The following SLC9A9 variants were observed in gnomAD, a reference collection of about 807,000 sequenced individuals.
SLC9A9 encodes sodium/hydrogen exchanger 9.
Under a neutral mutation model 77.8 loss-of-function variants are expected in SLC9A9, and 62 were observed. The observed-to-expected ratio is 0.80, with a 90% CI of 0.65 to 0.98. The LOEUF (loss-of-function observed/expected upper bound fraction) is 0.98. Ranked by LOEUF, SLC9A9 falls within the 50% of genes least tolerant of loss-of-function variation. SLC9A9 has a pLI of 0.00. For missense variants in SLC9A9, 775 were observed against 774.9 expected (o/e 1.00, Z 0.00); for synonymous variants, 320 against 283.5 (o/e 1.13, Z -1.29).
intron 6 of SLC9A9, among the ~76,000 whole-genome samples, chr3:143,645,813 T>G (rs2038697617): frequency 6.6e-6 from 1 of 152,068 alleles, no homozygotes; most frequent in South Asian, 2.1e-4. Context: ...AATTTCCTTA[T>G]AAGCATTTAC....
At position 143,389,497 on chromosome 3, in the gene SLC9A9, C is replaced by T. The variant is rs148333530; in HGVS notation, c.1470-7383G>A. 1.6e-3 allele frequency among the ~76,000 whole-genome samples: 245 copies of T among 152,276 alleles called. 2 individuals are homozygous for T. Among genetic ancestry groups the T allele is most frequent in the African/African-American group, 5.4e-3 (223 of 41,550 alleles). ...ACTCCAGACACTTGAATGGTTTGCC[C>T]TACCATTAGCCATATTAAAGAAGGA... On this transcript the variant is annotated intron_variant, in intron 12 of 15. Transcript: ENST00000316549.
intron 4 of SLC9A9, among the ~76,000 whole-genome samples, chr3:143,739,239 T>C (rs1018150480): frequency 2.0e-5 from 3 of 152,280 alleles, no homozygotes; most frequent in Non-Finnish European, 4.4e-5. Flanking sequence ...TGAATAATAA[T>C]GAGCTTGTCA....
intron 4 of SLC9A9, among the ~76,000 whole-genome samples, chr3:143,754,029 G>A (rs1413817878): frequency 2.0e-5 from 3 of 152,138 alleles, no homozygotes; most frequent in African/African-American, 7.2e-5. Flanking sequence ...CTAGAAGCCA[G>A]GAGAAGGGCT....
intron 14 of SLC9A9, among the ~76,000 whole-genome samples, chr3:143,316,636 G>A (rs1055639251): frequency 1.3e-5 from 2 of 152,098 alleles, no homozygotes; most frequent in Admixed American, 1.3e-4. Flanking sequence ...TATCAGGCAC[G>A]TAAATATGAA....
At position 143,491,496 on chromosome 3, in the gene SLC9A9, T is replaced by C. The variant is rs1490344832; in HGVS notation, c.1315+2157A>G. Among the ~76,000 whole-genome samples, 28 of 152,182 alleles carry C rather than the reference T, an allele frequency of 1.8e-4. 1 individual carries two copies. The highest frequency in any genetic ancestry group is 1.8e-3 in the Admixed American group (28 of 15,284). ...TAATAAAATAGCCATGGATCAGTTT[T>C]GATTCAAGAGCCATAGTTTGCTGAC... On this transcript the variant is annotated intron_variant, in intron 11 of 15. Transcript: ENST00000316549.
intron 4 of SLC9A9, among the ~76,000 whole-genome samples, chr3:143,774,419 C>T (rs968441993): frequency 9.2e-5 from 14 of 152,330 alleles, no homozygotes; most frequent in Admixed American, 2.6e-4. Flanking sequence ...TGAAGCCAGA[C>T]GGCTTGGGTT....
chr3:143,326,046 T>C (rs113554878), intron 14 of SLC9A9, among the ~76,000 whole-genome samples: 61 of 152,382 alleles, frequency 4.0e-4, no homozygotes, highest in African/African-American at 1.4e-3. Context: ...TATTCATTTG[T>C]ATGTGAGTAT....
At chr3:143,405,735 A>G (rs2033963693) in intron 12 of SLC9A9, among the ~76,000 whole-genome samples, 1 of 152,172 alleles carries the variant, frequency 6.6e-6, no homozygotes, top group Non-Finnish European at 1.5e-5. Flanking sequence ...CTGACGGGGA[A>G]CAGGAGGAGC....
intron 4 of SLC9A9, among the ~76,000 whole-genome samples, chr3:143,734,595 G>T (rs575863649): frequency 6.6e-6 from 1 of 151,776 alleles, no homozygotes; most frequent in Non-Finnish European, 1.5e-5. Context: ...TTAGCTGGGC[G>T]TTGTGGCAAG....
intron 4 of SLC9A9, among the ~76,000 whole-genome samples, chr3:143,764,156 T>C (rs1358542806): frequency 6.6e-6 from 1 of 152,188 alleles, no homozygotes; most frequent in African/African-American, 2.4e-5. Flanking sequence ...ATTTTTCTTC[T>C]AGTTGTTAAT....
At chr3:143,645,850 T>C (rs1220624996) in intron 6 of SLC9A9, among the ~76,000 whole-genome samples, 5 of 152,192 alleles carry the variant, frequency 3.3e-5, no homozygotes, top group South Asian at 2.1e-4. Context: ...ACATCTAGTA[T>C]GTATTTATTG....
intron 9 of SLC9A9, among the ~76,000 whole-genome samples, chr3:143,529,294 G>C (rs1390397266): frequency 6.6e-6 from 1 of 152,204 alleles, no homozygotes; most frequent in Non-Finnish European, 1.5e-5. Context: ...AAACACTGGA[G>C]AGAGAAAAAG....
chr3:143,830,023 C>T (rs1328387068), intron 2 of SLC9A9, among the ~76,000 whole-genome samples: 1 of 152,126 alleles, frequency 6.6e-6, no homozygotes, highest in African/African-American at 2.4e-5. Flanking sequence ...ATGTTACCTC[C>T]TTATAAGCCT....
chr3:143,550,182 C>A (rs1245382999), intron 9 of SLC9A9, among the ~76,000 whole-genome samples: 1 of 152,154 alleles, frequency 6.6e-6, no homozygotes, highest in Non-Finnish European at 1.5e-5. Context: ...TCAAAGTAAG[C>A]TTTCAGGAAA....
intron 5 of SLC9A9, among the ~76,000 whole-genome samples, chr3:143,687,934 A>T (rs1242513656): frequency 6.6e-6 from 1 of 151,986 alleles, no homozygotes; most frequent in East Asian, 1.9e-4. Flanking sequence ...CAGGTGTTTG[A>T]TACGATGCAG....
At chr3:143,689,054 G>A (rs1024179916) in intron 5 of SLC9A9, among the ~76,000 whole-genome samples, 4 of 151,756 alleles carry the variant, frequency 2.6e-5, no homozygotes, top group Non-Finnish European at 5.9e-5. Flanking sequence ...CATGCTATAG[G>A]GATATATAAA....
At chr3:143,805,113 A>G (rs906109915) in intron 2 of SLC9A9, among the ~76,000 whole-genome samples, 2 of 152,306 alleles carry the variant, frequency 1.3e-5, no homozygotes, top group Non-Finnish European at 2.9e-5. Flanking sequence ...GGCACTCTCT[A>G]ATTGGATGTC....
intron 13 of SLC9A9, among the ~76,000 whole-genome samples, chr3:143,370,567 G>GTGCACACACACA (rs1553747861): frequency 7.0e-6 from 1 of 143,304 alleles, no homozygotes; most frequent in Non-Finnish European, 1.5e-5. Context: ...GCATGTGCGC[G>GTGCACACACACA]CACACACACA....
intron 13 of SLC9A9, among the ~76,000 whole-genome samples, chr3:143,369,574 A>G (rs540983565): frequency 6.6e-6 from 1 of 152,190 alleles, no homozygotes; most frequent in Admixed American, 6.5e-5. Context: ...ATCATTACAC[A>G]TTGCATACAT....
Sources: allele counts gnomAD v4.1 joint callset (sites outside exome capture counted in the v4.1 genomes callset), GRCh38; gene constraint gnomAD v4.1.1; transcripts MANE v1.5; gene names NCBI Gene and HGNC (gene_info 2026-07-23, HGNC 2026-07-21).